NCOR1: variants seen among roughly 807,000 people sequenced by gnomAD.
NCOR1 encodes the protein nuclear receptor corepressor 1.
A neutral mutation model predicts 288.1 loss-of-function variants in NCOR1; 63 were observed. The ratio of observed to expected loss-of-function variants is 0.22; its 90% confidence interval spans 0.18 to 0.27. NCOR1 has a LOEUF of 0.27. Among genes scored for constraint, NCOR1 ranks in the 10% least tolerant of loss-of-function variants. The probability of loss-of-function intolerance (pLI) is 1.00; values close to 1 mark genes in which losing one functional copy is unlikely to be tolerated. For synonymous variants in NCOR1, 1,007 were observed against 1,065.9 expected (o/e 0.94, Z 1.08); for missense variants, 2,397 against 3,019.2 (o/e 0.79, Z 4.83).
At chr17:16,212,770 AT>A (rs538554617) in intron 1 of NCOR1, among the ~76,000 whole-genome samples, 5 of 151,980 alleles carry the variant, frequency 3.3e-5, no homozygotes, top group African/African-American at 1.2e-4. Flanking sequence ...TCATAACACA[AT>A]TTTTTTTAAT....
Position 16,081,892 on chromosome 17 carries a change from T to C in NCOR1, c.3178-1165A>G, listed in dbSNP as rs151254103. 1.0e-2 allele frequency among the ~76,000 whole-genome samples: 1,516 copies of C among 152,276 alleles called. 25 individuals carry two copies. Among genetic ancestry groups the C allele is most frequent in the African/African-American group, 0.034 (1,428 of 41,548 alleles). ...ACATGCATGTGCAAGGCTATGAATA[T>C]GCCTAGGAAAGACATGGGAAGGCCC... is the stretch of plus-strand genomic sequence containing the variant. On this transcript the variant is annotated intron_variant, in intron 23 of 45. Coordinates refer to ENST00000268712, the MANE Select transcript of NCOR1 (RefSeq NM_006311.4).
Position 16,143,583 on chromosome 17 carries a change from T to G in NCOR1, c.1173+23A>C, listed in dbSNP as rs1303937380. 4.1e-5 allele frequency: 64 copies of G among 1,572,638 alleles called. No homozygotes were observed. The East Asian group carries it at 1.4e-3, about 35-fold the overall frequency. On this transcript the variant is annotated intron_variant, in intron 11 of 45. Transcript: ENST00000268712. ...ATGCTTTAATAATTAACGAATTAAC[T>G]TGAATTAAATTTATTTTCTTACCTC...
intron 38 of NCOR1, 48 bp downstream of exon 38, chr17:16,058,423 A>G (rs1452079499): frequency 6.3e-7 from 1 of 1,597,670 alleles, no homozygotes; most frequent in East Asian, 2.2e-5. Context: ...GAAGCAAATG[A>G]TAAATGCAAA....
Position 16,057,506 on chromosome 17 carries a change from G to T in NCOR1, c.6392+8C>A, listed in dbSNP as rs1032032879. ...CAATTTATATATAATTTGGAATAAA[G>T]ATCATACCTTCCCCTGGATTTGTCC... is the stretch of plus-strand genomic sequence containing the variant. On this transcript the variant is annotated splice_region_variant and intron_variant, in intron 40 of 45. Transcript: ENST00000268712. 6.2e-7 allele frequency: 1 copy of T among 1,610,056 alleles called. No homozygotes were observed. The highest frequency in any genetic ancestry group is 8.5e-7 in the Non-Finnish European group (1 of 1,176,348).
intron 1 of NCOR1, among the ~76,000 whole-genome samples, chr17:16,207,726 G>A (rs1229512062): frequency 8.6e-5 from 12 of 139,068 alleles, no homozygotes; most frequent in African/African-American, 2.7e-4. Flanking sequence ...GGGTGAGAGC[G>A]AGACTCCATC....
intron 1 of NCOR1, among the ~76,000 whole-genome samples, chr17:16,212,500 C>A (rs749408213): frequency 6.6e-6 from 1 of 152,090 alleles, no homozygotes; most frequent in Admixed American, 6.6e-5. Context: ...TGTTTTATAT[C>A]ATAGTCTAGT....
chr17:16,142,013 C>T (rs929413101), intron 11 of NCOR1, among the ~76,000 whole-genome samples: 8 of 152,110 alleles, frequency 5.3e-5, no homozygotes, highest in Non-Finnish European at 1.2e-4. Flanking sequence ...ATATGAGGTG[C>T]TTATCACAAT....
chr17:16,068,195 C>T, intron 31 of NCOR1, 74 bp from the exon 32 acceptor site: 4 of 1,223,358 alleles, frequency 3.3e-6, no homozygotes, highest in Non-Finnish European at 4.7e-6. Flanking sequence ...ATTTCTCAAC[C>T]ATTCAAATAA....
chr17:16,193,607 G>C (rs572333032), intron 2 of NCOR1, among the ~76,000 whole-genome samples: 1 of 152,186 alleles, frequency 6.6e-6, no homozygotes, highest in South Asian at 2.1e-4. Context: ...GGGGTAGGGG[G>C]ACAACACAAG....
intron 37 of NCOR1, 40 bp downstream of exon 37, chr17:16,061,361 C>T (rs1280673366): frequency 6.3e-7 from 1 of 1,588,274 alleles, no homozygotes; most frequent in South Asian, 1.1e-5. Flanking sequence ...TAATTCTTTA[C>T]TCAGACATCA....
At chr17:16,159,058 A>G (rs1356979432) in intron 5 of NCOR1, among the ~76,000 whole-genome samples, 185 bp from the exon 6 acceptor site, 1 of 149,896 alleles carries the variant, frequency 6.7e-6, no homozygotes, top group East Asian at 1.9e-4. Context: ...TCATAACCAA[A>G]CAACACAAAT....
intron 12 of NCOR1, 78 bp downstream of exon 12, chr17:16,138,930 A>T (rs1403211041): frequency 8.8e-7 from 1 of 1,137,302 alleles, no homozygotes; most frequent in Non-Finnish European, 1.2e-6. Flanking sequence ...AAAACAGTTC[A>T]ATTTACAAGT....
chr17:16,051,492 G>A (rs1389135973), intron 40 of NCOR1, among the ~76,000 whole-genome samples: 1 of 152,166 alleles, frequency 6.6e-6, no homozygotes, highest in African/African-American at 2.4e-5. Flanking sequence ...ACACAGCTAA[G>A]GCAGTGTTGA....
In NCOR1 at chr17:16,189,116, G is replaced by A. The variant is rs145471647; in HGVS notation, c.109-2429C>T. Among the ~76,000 whole-genome samples, 11 of 151,762 alleles carry A rather than the reference G, an allele frequency of 7.2e-5. 1 individual carries two copies. In the South Asian group the frequency reaches 1.7e-3, roughly 23 times the overall value. On this transcript the variant is annotated intron_variant, in intron 2 of 45. Coordinates refer to ENST00000268712, the MANE Select transcript of NCOR1 (RefSeq NM_006311.4). ...TAACAACAGAATCAAATAGCAGGCC[G>A]GGCATGGTAGCTCACACCTGTAATC...
intron 11 of NCOR1, among the ~76,000 whole-genome samples, chr17:16,142,095 T>C (rs2077242682): frequency 6.6e-6 from 1 of 152,118 alleles, no homozygotes; most frequent in Admixed American, 6.5e-5. Context: ...TAGTCCACCA[T>C]AACCTAAACC....
intron 1 of NCOR1, among the ~76,000 whole-genome samples, chr17:16,199,621 G>GA (rs2090487650): frequency 6.6e-6 from 1 of 152,096 alleles, no homozygotes; most frequent in African/African-American, 2.4e-5. Flanking sequence ...TGAAATAAAA[G>GA]AATCTAGTTT....
intron 42 of NCOR1, 177 bp from the exon 43 acceptor site, chr17:16,040,671 C>G (rs1430466704): frequency 1.5e-6 from 1 of 645,190 alleles, no homozygotes. Flanking sequence ...GAGACAGGGT[C>G]TCACTCTGTT....
chr17:16,159,972 G>T (rs1039921302), intron 5 of NCOR1, among the ~76,000 whole-genome samples: 2 of 151,944 alleles, frequency 1.3e-5, no homozygotes, highest in Non-Finnish European at 2.9e-5. Context: ...TGGGATTACA[G>T]GCGGCCACCA....
chr17:16,160,204 A>G (rs2080546426), intron 5 of NCOR1, among the ~76,000 whole-genome samples: 4 of 152,180 alleles, frequency 2.6e-5, no homozygotes, highest in Admixed American at 2.6e-4. Context: ...TACCTATCAT[A>G]CAGCTTTTTG....
Sources: allele counts gnomAD v4.1 joint callset (sites outside exome capture counted in the v4.1 genomes callset), GRCh38; gene constraint gnomAD v4.1.1; transcripts MANE v1.5; gene names NCBI Gene and HGNC (gene_info 2026-07-23, HGNC 2026-07-21).